Variants in ARL15 observed in about 807,000 individuals in gnomAD.
The protein encoded by ARL15 is ADP-ribosylation factor-like protein 15.
ARL15 carries 19 observed loss-of-function variants against 25.2 expected under a neutral mutation model. The observed-to-expected ratio is 0.75, with a 90% confidence interval of 0.53 to 1.10. ARL15 has a LOEUF of 1.10. ARL15 is among the 50% of genes least tolerant of loss of function. ARL15 has a pLI of 0.00. For synonymous variants in ARL15, 94 were observed against 86.8 expected (o/e 1.08, Z -0.46); for missense variants, 220 against 246.0 (o/e 0.89, Z 0.71).
At chr5:54,057,630 G>A (rs985557110) in intron 4 of ARL15, among the ~76,000 whole-genome samples, 2 of 152,158 alleles carry the variant, frequency 1.3e-5, no homozygotes, top group African/African-American at 4.8e-5. Flanking sequence ...TGGGAGGATC[G>A]TTTGAGCCCA....
At chr5:54,254,577 C>T (rs999237608) in intron 1 of ARL15, among the ~76,000 whole-genome samples, 3 of 152,190 alleles carry the variant, frequency 2.0e-5, no homozygotes, top group African/African-American at 7.2e-5. Flanking sequence ...AGCTCTAAAT[C>T]ACAAAGACCC....
chr5:54,181,428 T>C (rs982265567), intron 1 of ARL15, among the ~76,000 whole-genome samples: 20 of 152,224 alleles, frequency 1.3e-4, no homozygotes, highest in African/African-American at 4.3e-4. Flanking sequence ...TACTATTTTT[T>C]TCCTAAAGAG....
chr5:54,149,173 T>G (rs1011607771), intron 3 of ARL15, among the ~76,000 whole-genome samples: 9 of 152,124 alleles, frequency 5.9e-5, no homozygotes, highest in Admixed American at 2.0e-4. Context: ...ATGAAAGCAA[T>G]TAAGAGGCAA....
intron 4 of ARL15, among the ~76,000 whole-genome samples, chr5:54,026,086 A>G (rs977376235): frequency 6.6e-6 from 1 of 152,326 alleles, no homozygotes; most frequent in Non-Finnish European, 1.5e-5. Flanking sequence ...TCATTTCCTT[A>G]TAGTTTTTCA....
At chr5:54,188,526 G>A (rs914740706) in intron 1 of ARL15, among the ~76,000 whole-genome samples, 2 of 150,342 alleles carry the variant, frequency 1.3e-5, no homozygotes, top group African/African-American at 2.5e-5. Flanking sequence ...GGATACCAAG[G>A]TCCTCAAGGG....
chr5:53,888,624 T>G (rs1744620067), intron 4 of ARL15, among the ~76,000 whole-genome samples: 1 of 152,194 alleles, frequency 6.6e-6, no homozygotes, highest in Admixed American at 6.5e-5. Flanking sequence ...AACTCCATTC[T>G]TTTAGCTTGT....
intron 4 of ARL15, among the ~76,000 whole-genome samples, chr5:54,097,317 AAAAAC>A (rs1752317954): frequency 4.0e-5 from 6 of 151,732 alleles, no homozygotes; most frequent in Non-Finnish European, 5.9e-5. Flanking sequence ...CTCCATCTCA[AAAAAC>A]AAACAAACAA....
At chr5:54,123,162 T>C (rs1200783564) in intron 3 of ARL15, among the ~76,000 whole-genome samples, 2 of 151,196 alleles carry the variant, frequency 1.3e-5, no homozygotes, top group Non-Finnish European at 2.9e-5. Context: ...CAGGCTGGAG[T>C]GCAATGGTGC....
At chr5:54,114,956 A>G (rs752363572) in intron 3 of ARL15, among the ~76,000 whole-genome samples, 3 of 152,168 alleles carry the variant, frequency 2.0e-5, no homozygotes, top group Non-Finnish European at 4.4e-5. Context: ...TATGTTTGAC[A>G]TATTGTTATG....
chr5:54,049,798 C>T (rs1426297713), intron 4 of ARL15, among the ~76,000 whole-genome samples: 1 of 152,006 alleles, frequency 6.6e-6, no homozygotes, highest in East Asian at 1.9e-4. Flanking sequence ...TCTCAAGCTC[C>T]TGAACTCAAG....
chr5:54,153,222 A>AT (rs893845372), intron 3 of ARL15, among the ~76,000 whole-genome samples: 4 of 152,294 alleles, frequency 2.6e-5, no homozygotes, highest in South Asian at 2.1e-4. Flanking sequence ...GCAAAAAAGC[A>AT]TTTTTTTATA....
chr5:54,118,891 C>G (rs887152132), intron 3 of ARL15, among the ~76,000 whole-genome samples: 1 of 152,208 alleles, frequency 6.6e-6, no homozygotes, highest in Non-Finnish European at 1.5e-5. Flanking sequence ...CAAAGTTCTA[C>G]GTACCATACA....
rs148184678 is a variant in ARL15, at chr5:54,043,640, T to C, written c.462+69562A>G. ...CAAATGTCAGGCTACATTTCCATCA[T>C]AGGGAAAGAGAACATTTACCACCAC... On this transcript the variant is annotated intron_variant, in intron 4 of 4. Transcript: ENST00000504924. Among the ~76,000 whole-genome samples, 12 of 152,260 alleles carry C rather than the reference T, an allele frequency of 7.9e-5. No individual in the cohort carries two copies. The East Asian group carries it at 2.3e-3, about 29-fold the overall frequency.
intron 4 of ARL15, among the ~76,000 whole-genome samples, chr5:54,097,911 T>C (rs545848583): frequency 5.3e-5 from 8 of 152,286 alleles, no homozygotes; most frequent in African/African-American, 1.9e-4. Context: ...CCTCCCATTA[T>C]GAGGACATAA....
intron 4 of ARL15, among the ~76,000 whole-genome samples, chr5:54,060,835 G>T (rs372571247): frequency 4.2e-4 from 64 of 152,324 alleles, no homozygotes; most frequent in African/African-American, 1.5e-3. Context: ...TTTGGCAGAA[G>T]AAATTTCTGA....
chr5:54,263,983 T>G (rs1295270458), intron 1 of ARL15, among the ~76,000 whole-genome samples: 1 of 152,100 alleles, frequency 6.6e-6, no homozygotes, highest in African/African-American at 2.4e-5. Flanking sequence ...CATTTTTACC[T>G]CTACCAACTC....
chr5:53,963,805 T>TCTCA (rs1407291151), intron 4 of ARL15, among the ~76,000 whole-genome samples: 24 of 143,244 alleles, frequency 1.7e-4, no homozygotes, highest in African/African-American at 6.3e-4. Flanking sequence ...TGAAACTCCA[T>TCTCA]CACACACACA....
intron 3 of ARL15, among the ~76,000 whole-genome samples, chr5:54,147,936 A>G (rs937593558): frequency 1.3e-5 from 2 of 152,172 alleles, no homozygotes; most frequent in Non-Finnish European, 2.9e-5. Flanking sequence ...CATTACATTC[A>G]TAAGTATTTG....
At chr5:53,978,692 G>GTT (rs1204703849) in intron 4 of ARL15, among the ~76,000 whole-genome samples, 4 of 149,838 alleles carry the variant, frequency 2.7e-5, no homozygotes, top group Non-Finnish European at 5.9e-5. Flanking sequence ...GTATGCTAAA[G>GTT]TCCAGTATTC....
Sources: gnomAD v4.1 joint callset for allele counts (sites outside exome capture counted in the v4.1 genomes callset) on GRCh38, gnomAD v4.1.1 for gene constraint, MANE v1.5 for transcripts, NCBI Gene and HGNC (gene_info 2026-07-23, HGNC 2026-07-21) for gene names.